Variants in ABCA13 observed in about 807,000 individuals in gnomAD.
ABCA13 encodes ATP-binding cassette sub-family A member 13.
Under a neutral mutation model 478.7 loss-of-function variants are expected in ABCA13, and 476 were observed. That is an observed-to-expected ratio of 0.99 (90% CI 0.92 to 1.07). ABCA13 has a LOEUF of 1.07. Among genes scored for constraint, ABCA13 ranks in the 50% least tolerant of loss-of-function variants. The pLI, the probability that ABCA13 is intolerant of heterozygous loss-of-function variation, is 0.00. For missense variants in ABCA13, 6,060 were observed against 5,910.6 expected (o/e 1.03, Z -0.83); for synonymous variants, 2,252 against 2,158.9 (o/e 1.04, Z -1.20).
At chr7:48,411,016 TTTC>T (rs1818999862) in intron 40 of ABCA13, among the ~76,000 whole-genome samples, 1 of 116,704 alleles carries the variant, frequency 8.6e-6, no homozygotes, top group South Asian at 2.4e-4. Flanking sequence ...TCTTTCTTTC[TTTC>T]TTTCTTTCTT....
At chr7:48,448,440 A>G (rs1446741037) in intron 42 of ABCA13, among the ~76,000 whole-genome samples, 3 of 152,202 alleles carry the variant, frequency 2.0e-5, no homozygotes, top group Non-Finnish European at 4.4e-5. Context: ...GGTTTAATCA[A>G]AAGTGTTTCA....
intron 10 of ABCA13, 137 bp downstream of exon 10, chr7:48,241,203 C>T: frequency 2.7e-6 from 3 of 1,097,088 alleles, no homozygotes; most frequent in South Asian, 3.1e-5. Context: ...AATGGGAAAT[C>T]AGAGGCTTTC....
chr7:48,435,260 A>G (rs1822681354), intron 42 of ABCA13, among the ~76,000 whole-genome samples: 1 of 151,594 alleles, frequency 6.6e-6, no homozygotes. Flanking sequence ...ATTCTCTTTT[A>G]TGTTATTGTA....
intron 39 of ABCA13, among the ~76,000 whole-genome samples, chr7:48,409,456 G>A (rs1371110307): frequency 3.3e-5 from 5 of 152,136 alleles, no homozygotes; most frequent in Non-Finnish European, 7.3e-5. Context: ...TGGGCTCACT[G>A]ATGACTTTCC....
intron 56 of ABCA13, among the ~76,000 whole-genome samples, chr7:48,582,026 G>T (rs763960631): frequency 7.2e-5 from 11 of 152,178 alleles, no homozygotes; most frequent in Non-Finnish European, 1.6e-4. Context: ...ATCAGGTACT[G>T]TTCTAAGTAT....
intron 29 of ABCA13, among the ~76,000 whole-genome samples, chr7:48,349,973 A>T (rs530682378): frequency 1.5e-3 from 226 of 152,272 alleles, no homozygotes; most frequent in Non-Finnish European, 2.8e-3. Flanking sequence ...GCTCTAGATC[A>T]TTTGGTTTTT....
chr7:48,489,318 C>G lies in ABCA13; in HGVS notation c.13265C>G (p.Pro4422Arg). The G allele has an allele frequency of 1.9e-6, 3 of 1,611,180 alleles. No individual in the cohort carries two copies. Among genetic ancestry groups the G allele is most frequent in the Non-Finnish European group, 2.5e-6 (3 of 1,177,918 alleles). ...AACCTTATTTTGTGGCAGCACCTACCCCCTACTGTGGACTGGAGACAATAC... is the reference window on the plus strand; with the variant it reads ...AACCTTATTTTGTGGCAGCACCTACGCCCTACTGTGGACTGGAGACAATAC... ...LNNLILWQHL[P>R]PTVDWRQYGI... Residue 4422 changes from proline to arginine, a missense_variant, in exon 48 of 62, where the codon CCC becomes CGC. Coordinates refer to ENST00000435803, the MANE Select transcript of ABCA13 (RefSeq NM_152701.5).
chr7:48,536,863 A>G (rs1209500539), intron 55 of ABCA13, among the ~76,000 whole-genome samples: 1 of 151,938 alleles, frequency 6.6e-6, no homozygotes, highest in Non-Finnish European at 1.5e-5. Flanking sequence ...ATTCATAAGA[A>G]AAATTAATTT....
At chr7:48,490,507 CTG>C (rs1399953723) in intron 48 of ABCA13, among the ~76,000 whole-genome samples, 2 of 152,156 alleles carry the variant, frequency 1.3e-5, no homozygotes, top group Non-Finnish European at 2.9e-5. Context: ...CTACATCAAA[CTG>C]AGATGTCATT....
chr7:48,499,567 A>G (rs1239153508), intron 48 of ABCA13, among the ~76,000 whole-genome samples: 3 of 152,262 alleles, frequency 2.0e-5, no homozygotes. Flanking sequence ...AGATGTAGCC[A>G]TAATGAGAAC....
rs138732446 is a variant in ABCA13 at position 48,257,292 on chromosome 7, T to G, written c.2005+7941T>G. On this transcript the variant is annotated intron_variant, in intron 15 of 61. Coordinates refer to ENST00000435803, the MANE Select transcript of ABCA13 (RefSeq NM_152701.5). ...CTCTTCCTGTTTGGCTGCCTTTTAT[T>G]TCTTTCTCTTGCCTGATTGCTCTGG... Among the ~76,000 whole-genome samples, 642 of 152,272 alleles carry G rather than the reference T, an allele frequency of 4.2e-3. 3 individuals are homozygous for G. Among genetic ancestry groups the G allele is most frequent in the Non-Finnish European group, 7.4e-3 (503 of 68,022 alleles).
At chr7:48,257,820 A>G (rs1027485102) in intron 15 of ABCA13, among the ~76,000 whole-genome samples, 1 of 152,216 alleles carries the variant, frequency 6.6e-6, no homozygotes. Context: ...CTAGGCTCAT[A>G]GAATGAGTTA....
At chr7:48,298,126 C>A (rs1312475180) in intron 22 of ABCA13, among the ~76,000 whole-genome samples, 2 of 152,014 alleles carry the variant, frequency 1.3e-5, no homozygotes, top group Non-Finnish European at 2.9e-5. Flanking sequence ...AACATACAGG[C>A]CTTAGAGAGA....
intron 3 of ABCA13, among the ~76,000 whole-genome samples, chr7:48,202,218 T>C (rs1038958739): frequency 6.6e-6 from 1 of 152,202 alleles, no homozygotes; most frequent in Non-Finnish European, 1.5e-5. Flanking sequence ...TTTATTCTTA[T>C]CTGGCCCCAC....
At chr7:48,627,711 A>C (rs1409484517) in intron 59 of ABCA13, among the ~76,000 whole-genome samples, 1 of 152,208 alleles carries the variant, frequency 6.6e-6, no homozygotes, top group Non-Finnish European at 1.5e-5. Flanking sequence ...AAAGAGGTTC[A>C]TTTAGTTTAG....
chr7:48,403,641 A>G (rs746767081), intron 38 of ABCA13, 42 bp from the exon 39 acceptor site: 12 of 1,581,282 alleles, frequency 7.6e-6, no homozygotes, highest in South Asian at 3.4e-5. Context: ...GCAAAGTTTT[A>G]AGGTGTTCAG....
intron 23 of ABCA13, among the ~76,000 whole-genome samples, chr7:48,306,294 G>A (rs75711636): frequency 0.031 from 4,699 of 152,190 alleles, 242 homozygotes; most frequent in African/African-American, 0.11. Flanking sequence ...TCTAAAAAAC[G>A]TATTAAATAT....
chr7:48,538,097 T>A (rs1350936814), intron 55 of ABCA13, among the ~76,000 whole-genome samples: 1 of 136,682 alleles, frequency 7.3e-6, no homozygotes, highest in African/African-American at 2.8e-5. Context: ...CTTTCTTTCT[T>A]TCCTTTTTTT....
At chr7:48,232,516 C>T in intron 7 of ABCA13, among the ~76,000 whole-genome samples, 1 of 152,118 alleles carries the variant, frequency 6.6e-6, no homozygotes, top group East Asian at 1.9e-4. Flanking sequence ...AAATTGTCTT[C>T]ATGTCTCTTG....
Sources: gnomAD v4.1 joint callset for allele counts (sites outside exome capture counted in the v4.1 genomes callset) on GRCh38, gnomAD v4.1.1 for gene constraint, MANE v1.5 for transcripts, NCBI Gene and HGNC (gene_info 2026-07-23, HGNC 2026-07-21) for gene names.